PARD3B: variants seen among roughly 807,000 people sequenced by gnomAD.
The protein encoded by PARD3B is par-3 family cell polarity regulator beta, also known as partitioning defective 3 homolog B.
PARD3B carries 103 observed loss-of-function variants against 130.2 expected under a neutral mutation model. That is an observed-to-expected ratio of 0.79 (90% CI 0.67 to 0.93). PARD3B has a LOEUF of 0.93. PARD3B is among the 40% of genes least tolerant of loss of function. The pLI is 0.00. For missense variants in PARD3B, 1,609 were observed against 1,499.2 expected, an observed-to-expected ratio of 1.07 and a Z score of -1.21; for synonymous variants, 583 against 553.2, an observed-to-expected ratio of 1.05 and a Z score of -0.76.
At chr2:204,668,348 CAGTT>C (rs1465416639) in intron 1 of PARD3B, among the ~76,000 whole-genome samples, 16 of 152,122 alleles carry the variant, frequency 1.1e-4, no homozygotes, top group East Asian at 7.7e-4. Flanking sequence ...CTTATTGACT[CAGTT>C]AGTTTACGTT....
chr2:205,398,502 GA>G (rs2046117730), intron 18 of PARD3B, among the ~76,000 whole-genome samples: 1 of 152,190 alleles, frequency 6.6e-6, no homozygotes, highest in Non-Finnish European at 1.5e-5. Flanking sequence ...AGAGTCCCAA[GA>G]CTAGACTGGC....
chr2:204,812,764 T>G (rs547291968), intron 2 of PARD3B, among the ~76,000 whole-genome samples: 22 of 152,326 alleles, frequency 1.4e-4, no homozygotes, highest in South Asian at 2.1e-4. Flanking sequence ...ACTAGGAAGC[T>G]GCTGATATCA....
At chr2:204,697,273 A>C (rs1403746961) in intron 2 of PARD3B, among the ~76,000 whole-genome samples, 6 of 152,058 alleles carry the variant, frequency 3.9e-5, no homozygotes, top group African/African-American at 1.4e-4. Flanking sequence ...ACTTACTTGG[A>C]AATGGAAGTA....
rs7566344 is a variant in PARD3B at position 205,236,726 on chromosome 2, A to G, written c.2141-9052A>G. On this transcript the variant is annotated intron_variant, in intron 15 of 22. Transcript: ENST00000406610. ...ACATTTGAAATTGATCAATGGACAC[A>G]TATTAACAGACTAAAACAGAAAAAG... Among the ~76,000 whole-genome samples, 1,133 of 152,354 alleles carry G rather than the reference A, an allele frequency of 7.4e-3. 17 individuals are homozygous for G. The highest frequency in any genetic ancestry group is 0.026 in the African/African-American group (1,063 of 41,590).
intron 18 of PARD3B, among the ~76,000 whole-genome samples, chr2:205,382,967 C>A (rs1260018226): frequency 6.6e-6 from 1 of 151,974 alleles, no homozygotes; most frequent in Non-Finnish European, 1.5e-5. Context: ...TGAACCACTT[C>A]TCCGAGGAAG....
chr2:204,655,652 A>G (rs1299920675), intron 1 of PARD3B, among the ~76,000 whole-genome samples: 2 of 152,210 alleles, frequency 1.3e-5, no homozygotes, highest in Non-Finnish European at 1.5e-5. Flanking sequence ...TAGTTGTCCT[A>G]TGATGTGATA....
At chr2:205,261,930 G>A (rs1403516083) in intron 16 of PARD3B, among the ~76,000 whole-genome samples, 1 of 152,130 alleles carries the variant, frequency 6.6e-6, no homozygotes, top group African/African-American at 2.4e-5. Context: ...CACTTGAAGA[G>A]TAGTGCATGA....
intron 18 of PARD3B, among the ~76,000 whole-genome samples, chr2:205,314,185 C>G (rs1440547403): frequency 6.6e-6 from 1 of 151,976 alleles, no homozygotes; most frequent in African/African-American, 2.4e-5. Context: ...TGTTTAGTAC[C>G]TTTTATCTGA....
chr2:204,586,315 G>T (rs973361277), intron 1 of PARD3B, among the ~76,000 whole-genome samples: 1 of 152,182 alleles, frequency 6.6e-6, no homozygotes, highest in Non-Finnish European at 1.5e-5. Flanking sequence ...TTCCTACCCT[G>T]ACACCAGTAT....
Position 204,546,096 on chromosome 2 carries a change from C to A in PARD3B, c.97C>A (p.Arg33=), listed in dbSNP as rs1253197671. Residue 33 remains arginine, a synonymous_variant, in exon 1 of 23, where the codon CGG becomes AGG. Transcript: ENST00000406610. ...VGELTQQALQ[R]YLKTREKGPG... ...CGAGCTCACCCAGCAGGCGCTGCAG[C>A]GGTACCTGAAGACCCGGGAGAAGGT... The A allele has an allele frequency of 1.3e-6, 2 of 1,556,710 alleles. No homozygotes were observed. The highest frequency in any genetic ancestry group is 3.8e-5 in the Admixed American group (2 of 52,470).
Position 205,609,437 on chromosome 2 carries a change from C to T in PARD3B, c.3261-6019C>T, listed in dbSNP as rs186011150. ...TCGACTTTCTGCCAACGGGTACAGG[C>T]ACCTCTCTTAGACAGCTCACAGGAG... On this transcript the variant is annotated intron_variant, in intron 22 of 22. Coordinates refer to ENST00000406610, the MANE Select transcript of PARD3B (RefSeq NM_001302769.2). Among the ~76,000 whole-genome samples the T allele has an allele frequency of 8.5e-5, 13 of 152,268 alleles. No homozygotes were observed. In the East Asian group the frequency reaches 2.3e-3, roughly 27 times the overall value.
chr2:205,246,057 A>G (rs1458851322), intron 16 of PARD3B, among the ~76,000 whole-genome samples: 1 of 152,232 alleles, frequency 6.6e-6, no homozygotes, highest in Non-Finnish European at 1.5e-5. Flanking sequence ...AAAAAGATAT[A>G]TAAAACCAAA....
chr2:205,020,060 C>G (rs894110003), intron 3 of PARD3B, among the ~76,000 whole-genome samples: 1 of 152,118 alleles, frequency 6.6e-6, no homozygotes, highest in African/African-American at 2.4e-5. Context: ...GGGATATTCA[C>G]TCTTACTCCC....
rs77258031 is a variant in PARD3B, at chr2:204,962,823, A to G, written c.223-2329A>G. ...GTCAGGAGCTGGTCCTCTTCTTCCC[A>G]GGAGTACAGACTTTTTCATCCATTC... On this transcript the variant is annotated intron_variant, in intron 2 of 22. Transcript: ENST00000406610. Among the ~76,000 whole-genome samples, 3 of 152,292 alleles carry G rather than the reference A, an allele frequency of 2.0e-5. No homozygotes were observed. The East Asian group carries it at 5.8e-4, about 29-fold the overall frequency.
At chr2:204,856,089 A>G (rs968646292) in intron 2 of PARD3B, among the ~76,000 whole-genome samples, 2 of 152,162 alleles carry the variant, frequency 1.3e-5, no homozygotes, top group African/African-American at 4.8e-5. Flanking sequence ...GCTGGATCAT[A>G]TGATAATTTT....
intron 10 of PARD3B, among the ~76,000 whole-genome samples, chr2:205,134,033 T>C (rs977932838): frequency 6.6e-6 from 1 of 152,194 alleles, no homozygotes; most frequent in Non-Finnish European, 1.5e-5. Context: ...ATATGTTCCA[T>C]TGACCCCATT....
chr2:204,717,326 A>G (rs1033957618), intron 2 of PARD3B, among the ~76,000 whole-genome samples: 2 of 152,204 alleles, frequency 1.3e-5, no homozygotes, highest in Non-Finnish European at 2.9e-5. Context: ...TGAATAATTA[A>G]TTAAAAATTG....
intron 14 of PARD3B, among the ~76,000 whole-genome samples, chr2:205,192,784 A>T (rs2036464780): frequency 6.6e-6 from 1 of 152,220 alleles, no homozygotes; most frequent in Admixed American, 6.5e-5. Context: ...TCTAAAGGAT[A>T]CAACCCTTTC....
At chr2:205,501,273 A>T (rs949790785) in intron 21 of PARD3B, among the ~76,000 whole-genome samples, 7 of 152,196 alleles carry the variant, frequency 4.6e-5, no homozygotes, top group Non-Finnish European at 1.0e-4. Context: ...TCTCAAGGCC[A>T]AGTGGCTTCA....
Sources: gnomAD v4.1 joint callset for allele counts (sites outside exome capture counted in the v4.1 genomes callset) on GRCh38, gnomAD v4.1.1 for gene constraint, MANE v1.5 for transcripts, NCBI Gene and HGNC (gene_info 2026-07-23, HGNC 2026-07-21) for gene names.